VPS13B: variants seen among roughly 807,000 people sequenced by gnomAD.
The protein encoded by VPS13B is vacuolar protein sorting 13 homolog B.
A neutral mutation model predicts 426.4 loss-of-function variants in VPS13B; 285 were observed. That is an observed-to-expected ratio of 0.67 (90% confidence interval 0.61 to 0.74). The LOEUF (loss-of-function observed/expected upper bound fraction) is 0.74, where lower values mean the gene tolerates loss of function less well. VPS13B is among the 30% of genes least tolerant of loss of function. VPS13B has a pLI of 0.00. For missense variants in VPS13B, 4,537 were observed against 4,782.6 expected, an observed-to-expected ratio of 0.95 and a Z score of 1.51; for synonymous variants, 1,676 against 1,676.4, an observed-to-expected ratio of 1.00 and a Z score of 0.01.
chr8:99,628,777 T>G (rs35362810), intron 33 of VPS13B, among the ~76,000 whole-genome samples: 8,077 of 147,920 alleles, frequency 0.055, 295 homozygotes, highest in Middle Eastern at 0.15. Flanking sequence ...AGCTATGTGT[T>G]TTTTTTTTTT....
At chr8:99,441,259 T>C (rs1276249546) in intron 22 of VPS13B, among the ~76,000 whole-genome samples, 1 of 152,132 alleles carries the variant, frequency 6.6e-6, no homozygotes, top group Admixed American at 6.5e-5. Flanking sequence ...TATTTATAGG[T>C]TGACAAATTA....
At chr8:99,239,337 T>C (rs1190695014) in intron 17 of VPS13B, among the ~76,000 whole-genome samples, 4 of 152,164 alleles carry the variant, frequency 2.6e-5, no homozygotes, top group Admixed American at 6.5e-5. Context: ...ACATTTCACC[T>C]AGAATTGACA....
chr8:99,525,741 A>G (rs1226997378), intron 30 of VPS13B, among the ~76,000 whole-genome samples: 2 of 152,204 alleles, frequency 1.3e-5, no homozygotes, highest in African/African-American at 4.8e-5. Flanking sequence ...TAAATAAATC[A>G]TATGGTATAC....
At chr8:99,513,102 TAAG>T (rs1821881874) in intron 29 of VPS13B, among the ~76,000 whole-genome samples, 1 of 151,260 alleles carries the variant, frequency 6.6e-6, no homozygotes, top group Non-Finnish European at 1.5e-5. Flanking sequence ...TAGATAAAAA[TAAG>T]AATAAAGTTT....
At chr8:99,159,568 A>G (rs991837882) in intron 15 of VPS13B, among the ~76,000 whole-genome samples, 3 of 152,204 alleles carry the variant, frequency 2.0e-5, no homozygotes, top group Admixed American at 6.5e-5. Context: ...AGCAACCACC[A>G]TCCTGATTAG....
intron 58 of VPS13B, among the ~76,000 whole-genome samples, chr8:99,867,837 CATT>C (rs1476912325): frequency 2.6e-5 from 4 of 152,098 alleles, no homozygotes; most frequent in East Asian, 3.9e-4. Flanking sequence ...TGACTGTTAT[CATT>C]ATTATCAAAA....
intron 33 of VPS13B, among the ~76,000 whole-genome samples, chr8:99,582,122 C>G (rs945037234): frequency 6.6e-6 from 1 of 152,198 alleles, no homozygotes; most frequent in African/African-American, 2.4e-5. Context: ...GTGGTTGACA[C>G]AATTGGTTTA....
At chr8:99,809,268 G>A in intron 43 of VPS13B, 107 bp from the exon 44 acceptor site, 2 of 1,438,590 alleles carry the variant, frequency 1.4e-6, no homozygotes, top group Non-Finnish European at 1.9e-6. Flanking sequence ...GAAAACAGAT[G>A]CAAAATATTA....
intron 17 of VPS13B, among the ~76,000 whole-genome samples, chr8:99,242,349 T>C (rs1469169716): frequency 6.6e-6 from 1 of 152,218 alleles, no homozygotes; most frequent in Non-Finnish European, 1.5e-5. Context: ...AAATATTGAC[T>C]TTTACTGTAT....
At chr8:99,738,711 A>G (rs2130454534) in intron 39 of VPS13B, among the ~76,000 whole-genome samples, 1 of 152,382 alleles carries the variant, frequency 6.6e-6, no homozygotes, top group East Asian at 1.9e-4. Flanking sequence ...TTATTTTACC[A>G]TTGAGTATAA....
At chr8:99,175,963 G>A (rs1441019375) in intron 16 of VPS13B, among the ~76,000 whole-genome samples, 1 of 152,134 alleles carries the variant, frequency 6.6e-6, no homozygotes, top group Non-Finnish European at 1.5e-5. Flanking sequence ...CTACTGCGGT[G>A]AGCTTTTGTG....
intron 25 of VPS13B, among the ~76,000 whole-genome samples, chr8:99,490,557 T>C (rs1314809857): frequency 2.0e-5 from 3 of 152,206 alleles, no homozygotes; most frequent in Non-Finnish European, 2.9e-5. Flanking sequence ...GGTAGGCTAT[T>C]AATTTTTGCC....
At chr8:99,746,963 G>T (rs575100033) in intron 39 of VPS13B, among the ~76,000 whole-genome samples, 1 of 152,204 alleles carries the variant, frequency 6.6e-6, no homozygotes, top group African/African-American at 2.4e-5. Flanking sequence ...GGAACACCAT[G>T]ACGTCCACCA....
intron 13 of VPS13B, among the ~76,000 whole-genome samples, chr8:99,143,594 A>G (rs1421656829): frequency 1.3e-5 from 2 of 152,188 alleles, no homozygotes; most frequent in African/African-American, 2.4e-5. Context: ...GTAGATAGCT[A>G]TAGTTGTCAT....
chr8:99,793,052 A>AT (rs1812630295), intron 43 of VPS13B, among the ~76,000 whole-genome samples: 1 of 150,554 alleles, frequency 6.6e-6, no homozygotes, highest in African/African-American at 2.5e-5. Context: ...AAAAAAAAAA[A>AT]AAAAAATTAG....
At position 99,531,138 on chromosome 8, in the gene VPS13B, C is replaced by T. The variant is rs896097553; in HGVS notation, c.4745+10128C>T. Among the ~76,000 whole-genome samples, 2 of 152,172 alleles carry T rather than the reference C, an allele frequency of 1.3e-5. 1 individual carries two copies. The highest frequency in any genetic ancestry group is 2.9e-5 in the Non-Finnish European group (2 of 68,034). On this transcript the variant is annotated intron_variant, in intron 30 of 61. Transcript: ENST00000357162. ...AGGATGGACTTAATATTATAACCTTCAAACCACAATTTATAATGAAAACAT... is the reference window on the plus strand; with the variant it reads ...AGGATGGACTTAATATTATAACCTTTAAACCACAATTTATAATGAAAACAT...
chr8:99,824,638 G>A (rs180874083), intron 51 of VPS13B, among the ~76,000 whole-genome samples: 39 of 146,736 alleles, frequency 2.7e-4, no homozygotes, highest in African/African-American at 9.9e-4. Flanking sequence ...GGATACATGT[G>A]TAGAACATAC....
chr8:99,311,481 T>G (rs746296317), intron 19 of VPS13B, among the ~76,000 whole-genome samples: 1 of 152,242 alleles, frequency 6.6e-6, no homozygotes, highest in Non-Finnish European at 1.5e-5. Flanking sequence ...TGAGTGGTTC[T>G]GAGTGAGTTT....
chr8:99,624,007 A>ATATATATATATATATAT (rs1206203704), intron 33 of VPS13B, among the ~76,000 whole-genome samples: 1 of 101,120 alleles, frequency 9.9e-6, no homozygotes, highest in African/African-American at 4.4e-5. Context: ...ATATATATAT[A>ATATATATATATATATAT]TTTTTTTTTT....
Sources: gnomAD v4.1 joint callset for allele counts (sites outside exome capture counted in the v4.1 genomes callset) on GRCh38, gnomAD v4.1.1 for gene constraint, MANE v1.5 for transcripts, NCBI Gene and HGNC (gene_info 2026-07-23, HGNC 2026-07-21) for gene names.